CCDC9: variants seen among roughly 807,000 people sequenced by gnomAD.
CCDC9 encodes coiled-coil domain-containing protein 9.
A neutral mutation model predicts 65.6 loss-of-function variants in CCDC9; 52 were observed. The observed-to-expected ratio is 0.79, with a 90% confidence interval of 0.63 to 1.00. The LOEUF (loss-of-function observed/expected upper bound fraction) is 1.00, where lower values mean the gene tolerates loss of function less well. Among genes scored for constraint, CCDC9 ranks in the 50% least tolerant of loss-of-function variants. CCDC9 has a pLI of 0.00. For synonymous variants in CCDC9, 332 were observed against 280.3 expected (o/e 1.18, Z -1.84); for missense variants, 834 against 757.2 (o/e 1.10, Z -1.19).
At chr19:47,257,038 TG>T (rs1047422275) in intron 1 of CCDC9, among the ~76,000 whole-genome samples, 1 of 9,140 alleles carries the variant, frequency 1.1e-4, no homozygotes, top group Non-Finnish European at 2.3e-4. Flanking sequence ...CACAATGTAG[TG>T]GGGGAGCCAG....
intron 5 of CCDC9, 78 bp from the exon 6 acceptor site, chr19:47,264,525 T>C: frequency 5.0e-6 from 7 of 1,391,334 alleles, no homozygotes; most frequent in Non-Finnish European, 7.0e-6. Context: ...GCCTCAGGCC[T>C]GCTGGGCAGC....
intron 10 of CCDC9, 135 bp downstream of exon 10, chr19:47,270,823 C>T (rs537245807): frequency 5.3e-6 from 6 of 1,126,458 alleles, no homozygotes; most frequent in Admixed American, 2.8e-5. Flanking sequence ...CTCGCAGGTC[C>T]GTGGTTTGAG....
chr19:47,273,275 G>A (rs947702790), downstream of CCDC9: 17 of 847,368 alleles, frequency 2.0e-5, no homozygotes, highest in African/African-American at 2.5e-4. Context: ...GAGAGACGTG[G>A]CTAGACGGGG....
intron 5 of CCDC9, among the ~76,000 whole-genome samples, chr19:47,261,358 A>T (rs2059044638): frequency 6.6e-6 from 1 of 151,914 alleles, no homozygotes; most frequent in Non-Finnish European, 1.5e-5. Context: ...GGCTTTGGTT[A>T]TGGGGAGCAG....
Position 47,271,211 on chromosome 19 carries a change from G to A in CCDC9, c.1191+24G>A, listed in dbSNP as rs763949398. On this transcript the variant is annotated intron_variant, in intron 11 of 11. Coordinates refer to ENST00000221922, the MANE Select transcript of CCDC9 (RefSeq NM_015603.3). ...AGGTGAGGCTGGGCTGTGGTTCAGG[G>A]CACGGGCCTGGGGTGGGGGCTCAGG... 12 of 1,606,416 alleles carry A rather than the reference G, an allele frequency of 7.5e-6. No individual in the cohort carries two copies. In the South Asian group the frequency reaches 1.2e-4, roughly 16 times the overall value.
At chr19:47,267,502 T>C (rs1366739601) in intron 8 of CCDC9, among the ~76,000 whole-genome samples, 5 of 152,178 alleles carry the variant, frequency 3.3e-5, no homozygotes, top group Non-Finnish European at 7.3e-5. Flanking sequence ...TGGGCTTGGC[T>C]TCTTGCAGCA....
At chr19:47,267,371 C>T (rs1455191913) in intron 8 of CCDC9, among the ~76,000 whole-genome samples, 3 of 151,966 alleles carry the variant, frequency 2.0e-5, no homozygotes, top group Middle Eastern at 3.4e-3. Flanking sequence ...CTCCGCCTCC[C>T]GTGTTCAAGC....
chr19:47,267,537 T>G (rs2059090333), intron 8 of CCDC9, among the ~76,000 whole-genome samples: 2 of 152,196 alleles, frequency 1.3e-5, no homozygotes, highest in South Asian at 4.1e-4. Flanking sequence ...TGCGCCAGGG[T>G]GTTCATTCTG....
At chr19:47,259,768 C>T (rs2059032816) in intron 3 of CCDC9, among the ~76,000 whole-genome samples, 1 of 152,230 alleles carries the variant, frequency 6.6e-6, no homozygotes, top group Non-Finnish European at 1.5e-5. Flanking sequence ...CAGGCAGATT[C>T]TGCCGTAGTG....
chr19:47,262,765 C>T (rs1269757132), intron 5 of CCDC9, among the ~76,000 whole-genome samples: 1 of 152,080 alleles, frequency 6.6e-6, no homozygotes, highest in Non-Finnish European at 1.5e-5. Context: ...TTGTCACTAG[C>T]TTGGTTACTA....
downstream of CCDC9, chr19:47,273,407 G>C: frequency 8.1e-7 from 1 of 1,231,764 alleles, no homozygotes; most frequent in Non-Finnish European, 1.0e-6. Flanking sequence ...CTTCCAGAGG[G>C]TGCGTTTCTG....
Position 47,271,944 on chromosome 19 carries a change from CA to C in CCDC9, c.*267del. The C allele has an allele frequency of 7.7e-7, 1 of 1,294,110 alleles. No homozygotes were observed. The highest frequency in any genetic ancestry group is 9.8e-7 in the Non-Finnish European group (1 of 1,022,882). 80.2% of individuals were successfully genotyped at this position (1,294,110 alleles called of 1,614,324 possible). On this transcript the variant is annotated 3_prime_UTR_variant, in exon 12 of 12. Transcript: ENST00000221922. ...AGCCCCCTCCCCAATAAAGAATTCA[CA>C]TCCTCCAATGACATTCCCCCAGGTG...
chr19:47,260,954 CTG>C, intron 5 of CCDC9, 115 bp downstream of exon 5: 1 of 1,240,816 alleles, frequency 8.1e-7, no homozygotes, highest in Non-Finnish European at 1.1e-6. Flanking sequence ...GTATCTCTCT[CTG>C]AGCCTTTGCA....
downstream of CCDC9, chr19:47,275,631 G>A: frequency 2.1e-6 from 1 of 477,620 alleles, no homozygotes; most frequent in Non-Finnish European, 3.8e-6. Flanking sequence ...AGAGCCCACA[G>A]CCCATCTGCC....
rs772454653 is a variant in CCDC9 at position 47,260,563 on chromosome 19, AT to A, written c.211-21del. ...CATGCCTCCCTGCCCCAGTGACTGT[AT>A]TTTCCCCATCTCCCCTCTTCCAGGA... On this transcript the variant is annotated intron_variant, in intron 4 of 11. Transcript: ENST00000221922. 3.9e-4 allele frequency: 594 copies of A among 1,541,262 alleles called. 1 individual carries two copies. The highest frequency in any genetic ancestry group is 4.7e-4 in the Non-Finnish European group (537 of 1,150,014).
chr19:47,274,068 G>C (rs1312180691), downstream of CCDC9: 17 of 776,550 alleles, frequency 2.2e-5, no homozygotes, highest in Non-Finnish European at 2.7e-5. Flanking sequence ...TCCAGGCTGT[G>C]TTCTTTCTAC....
intron 5 of CCDC9, among the ~76,000 whole-genome samples, chr19:47,261,648 G>A (rs541550719): frequency 1.6e-3 from 241 of 146,748 alleles, no homozygotes; most frequent in African/African-American, 5.7e-3. Flanking sequence ...GGAGGTGGAG[G>A]TCACAGTGAG....
rs929258300 is a variant in CCDC9, at chr19:47,260,616, C to G, written c.239C>G (p.Ser80Cys). Residue 80 changes from serine to cysteine, a missense_variant, in exon 5 of 12, where the codon TCT (serine) becomes TGT (cysteine). Transcript: ENST00000221922. ...SEKNLGPSRR[S>C]PGTPRPPGAS... is the part of the protein sequence containing the mutation. ...AAGAACCTGGGTCCTTCCCGGAGGT[C>G]TCCTGGGACCCCTCGGCCCCCAGGG... 1.3e-6 allele frequency: 2 copies of G among 1,523,998 alleles called. No individual in the cohort carries two copies. Among genetic ancestry groups the G allele is most frequent in the Non-Finnish European group, 1.7e-6 (2 of 1,145,192 alleles). The allele number at this position is 1,523,998 out of a possible 1,614,324, so 94.4% of individuals were successfully genotyped here. A position where few individuals can be genotyped will look rare whatever the true frequency, so the allele number is the denominator to read the frequency against.
chr19:47,271,894 T>C lies in CCDC9; in HGVS notation c.*216T>C. 3.0e-6 allele frequency: 4 copies of C among 1,311,768 alleles called. No individual in the cohort carries two copies. The highest frequency in any genetic ancestry group is 5.1e-5 in the South Asian group (2 of 39,490). 81.3% of individuals were successfully genotyped at this position (1,311,768 alleles called of 1,614,324 possible). ...TCATGCCCGTCTCTGGAATGTCCACTCCCAGAGCCTGCCCCAGCCCTTCGA... is the reference window on the plus strand; with the variant it reads ...TCATGCCCGTCTCTGGAATGTCCACCCCCAGAGCCTGCCCCAGCCCTTCGA... On this transcript the variant is annotated 3_prime_UTR_variant, in exon 12 of 12. Coordinates refer to ENST00000221922, the MANE Select transcript of CCDC9 (RefSeq NM_015603.3).
Sources: gnomAD v4.1 joint callset for allele counts (sites outside exome capture counted in the v4.1 genomes callset) on GRCh38, gnomAD v4.1.1 for gene constraint, MANE v1.5 for transcripts, NCBI Gene and HGNC (gene_info 2026-07-23, HGNC 2026-07-21) for gene names.